The following CCDC180 variants were observed in gnomAD, a reference collection of about 807,000 sequenced individuals.
The protein encoded by CCDC180 is coiled-coil domain containing 180, also known as coiled-coil domain-containing protein 180.
A neutral mutation model predicts 209.2 loss-of-function variants in CCDC180; 154 were observed. The ratio of observed to expected loss-of-function variants is 0.74; its 90% CI spans 0.65 to 0.84. The LOEUF (loss-of-function observed/expected upper bound fraction) is 0.84. CCDC180 is among the 40% of genes least tolerant of loss of function. CCDC180 has a pLI of 0.00. For synonymous variants in CCDC180, 778 were observed against 749.1 expected (o/e 1.04, Z -0.63); for missense variants, 1,874 against 1,997.3 (o/e 0.94, Z 1.18).
chr9:97,308,083 T>C lies in CCDC180; in HGVS notation c.20T>C (p.Val7Ala), dbSNP rs764860477. 6 of 1,613,178 alleles carry C rather than the reference T, an allele frequency of 3.7e-6. No individual in the cohort carries two copies. Among genetic ancestry groups the C allele is most frequent in the Admixed American group, 1.7e-5 (1 of 59,776 alleles). MSSVGK[V>A]TQVPNGKAYQ... ...GCCAAGATGTCGTCAGTGGGGAAGG[T>C]GACCCAGGTTCCGAATGGGAAAGCC... Residue 7 changes from valine to alanine, a missense_variant, in exon 2 of 37, where the codon GTG (valine) becomes GCG (alanine). Transcript: ENST00000529487.
At chr9:97,376,439 G>C in intron 36 of CCDC180, 1 of 181,918 alleles carries the variant, frequency 5.5e-6, no homozygotes, top group Non-Finnish European at 1.2e-5. Context: ...CGGGAGCCCT[G>C]AGCTCCCGAG....
At position 97,362,308 on chromosome 9, in the gene CCDC180, G is replaced by A. The variant is rs1250568855; in HGVS notation, c.3769G>A (p.Ala1257Thr). Residue 1257 changes from alanine (A) to threonine (T), a missense_variant, in exon 28 of 37, where the codon GCT becomes ACT. Ala to Thr is a moderately conservative substitution (Grantham distance 58). Coordinates refer to ENST00000529487, the MANE Select transcript of CCDC180 (RefSeq NM_020893.6). ...CAGCAGTGAGGCAGGGGCTGGTGGT[G>A]CTGTGTGCTCACCTCCTGTCCTCTG... The part of the protein sequence containing the change: ...RGSSEAGAGG[A>T]VCSPPVLCSC... 1.2e-6 allele frequency: 2 copies of A among 1,614,186 alleles called. No homozygotes were observed. The highest frequency in any genetic ancestry group is 8.5e-7 in the Non-Finnish European group (1 of 1,180,032).
At position 97,329,277 on chromosome 9, in the gene CCDC180, A is replaced by T. The variant is rs186753416; in HGVS notation, c.1789-877A>T. ...TAGGCACCATTATGATCTCCATTTC[A>T]TGGAAGATAACACTAAGCCCCATAG... On this transcript the variant is annotated intron_variant, in intron 16 of 36. Coordinates refer to ENST00000529487, the MANE Select transcript of CCDC180 (RefSeq NM_020893.6). Among the ~76,000 whole-genome samples the T allele has an allele frequency of 1.6e-3, 240 of 152,346 alleles. 3 individuals carry two copies. The highest frequency in any genetic ancestry group is 3.4e-3 in the Middle Eastern group (1 of 294).
intron 12 of CCDC180, among the ~76,000 whole-genome samples, chr9:97,323,207 C>T (rs779646857): frequency 2.0e-5 from 3 of 152,188 alleles, no homozygotes; most frequent in Non-Finnish European, 4.4e-5. Context: ...AACCCATCAC[C>T]TCCTCCAGGA....
intron 28 of CCDC180, 60 bp from the exon 29 acceptor site, chr9:97,363,991 T>C (rs753295186): frequency 6.5e-7 from 1 of 1,530,592 alleles, no homozygotes; most frequent in South Asian, 1.1e-5. Flanking sequence ...TCCTGCAGGC[T>C]CAGACCTGCC....
At chr9:97,314,986 A>G in intron 8 of CCDC180, 40 bp downstream of exon 8, 1 of 1,532,432 alleles carries the variant, frequency 6.5e-7, no homozygotes, top group East Asian at 2.3e-5. Context: ...CCATGGGAGA[A>G]GGGGCAGGAC....
chr9:97,367,356 A>G (rs1826951656), intron 31 of CCDC180, among the ~76,000 whole-genome samples: 1 of 152,118 alleles, frequency 6.6e-6, no homozygotes, highest in African/African-American at 2.4e-5. Context: ...CTCTGGGTAG[A>G]AGGAGGAGAG....
At chr9:97,374,710 G>A in intron 35 of CCDC180, 62 bp downstream of exon 35, 3 of 1,353,362 alleles carry the variant, frequency 2.2e-6, no homozygotes, top group South Asian at 2.4e-5. Context: ...GTGGTGCAGT[G>A]TAATGGTTAG....
chr9:97,369,022 C>T (rs1827001575), intron 31 of CCDC180, among the ~76,000 whole-genome samples: 1 of 151,976 alleles, frequency 6.6e-6, no homozygotes, highest in Admixed American at 6.5e-5. Context: ...TGAAAATGAC[C>T]AAGCAGCTAT....
intron 19 of CCDC180, among the ~76,000 whole-genome samples, chr9:97,346,946 C>A (rs778662564): frequency 6.6e-6 from 1 of 152,142 alleles, no homozygotes; most frequent in Non-Finnish European, 1.5e-5. Flanking sequence ...CAAATTTAGA[C>A]GTCTGACAAT....
At chr9:97,376,400 G>C (rs1827259794) in intron 36 of CCDC180, 1 of 176,244 alleles carries the variant, frequency 5.7e-6, no homozygotes, top group African/African-American at 2.4e-5. Context: ...GAGGGTGGGA[G>C]GCCTGGAAGG....
intron 8 of CCDC180, among the ~76,000 whole-genome samples, chr9:97,315,647 G>A (rs1450304539): frequency 1.3e-5 from 2 of 152,338 alleles, no homozygotes; most frequent in East Asian, 1.9e-4. Flanking sequence ...GCAGTGAGCT[G>A]AGCTTGCTGG....
chr9:97,367,564 C>T (rs1459025763), intron 31 of CCDC180, among the ~76,000 whole-genome samples: 5 of 151,862 alleles, frequency 3.3e-5, no homozygotes, highest in Non-Finnish European at 5.9e-5. Context: ...ACCTCTGTCT[C>T]CTGGGTTCAA....
At chr9:97,358,294 T>A (rs35461112) in intron 25 of CCDC180, among the ~76,000 whole-genome samples, 1 of 152,004 alleles carries the variant, frequency 6.6e-6, no homozygotes, top group Non-Finnish European at 1.5e-5. Flanking sequence ...CTAATTTTTG[T>A]ATTTTTAGTA....
chr9:97,324,641 G>A (rs993100108), intron 13 of CCDC180, among the ~76,000 whole-genome samples: 2 of 152,178 alleles, frequency 1.3e-5, no homozygotes, highest in South Asian at 4.1e-4. Flanking sequence ...TGGCCCAGAT[G>A]CCATGAGTGA....
At chr9:97,322,976 G>A (rs939676984) in intron 12 of CCDC180, 55 bp downstream of exon 12, 5 of 1,422,306 alleles carry the variant, frequency 3.5e-6, no homozygotes, top group African/African-American at 2.8e-5. Context: ...GACCTGAAGT[G>A]CCTTCCCTGG....
intron 29 of CCDC180, chr9:97,364,679 G>T (rs1826869423): frequency 6.4e-6 from 1 of 155,194 alleles, no homozygotes; most frequent in African/African-American, 2.4e-5. Context: ...GGCAGAGAAG[G>T]ATGGCTGTGA....
At position 97,367,601 on chromosome 9, in the gene CCDC180, G is replaced by A. The variant is rs144259477; in HGVS notation, c.4189+901G>A. Among the ~76,000 whole-genome samples the A allele has an allele frequency of 9.3e-3, 1,416 of 152,158 alleles. 41 individuals carry two copies. The East Asian group carries it at 0.095, about 10-fold the overall frequency. Reference sequence around the variant, plus strand: ...AGACTCTTCTGCCCCAGCCTCCTGAGTAGCTGGGACTACAGGCGCATGCCA... The same window carrying A: ...AGACTCTTCTGCCCCAGCCTCCTGAATAGCTGGGACTACAGGCGCATGCCA... On this transcript the variant is annotated intron_variant, in intron 31 of 36. Coordinates refer to ENST00000529487, the MANE Select transcript of CCDC180 (RefSeq NM_020893.6).
In CCDC180 at chr9:97,320,173, A is replaced by G. The variant is rs148607207; in HGVS notation, c.1127A>G (p.His376Arg). The change falls in exon 11 of 37, where the codon CAT becomes CGT. Residue 376 changes from histidine (H) to arginine (R), a missense_variant. Coordinates refer to ENST00000529487, the MANE Select transcript of CCDC180 (RefSeq NM_020893.6). The stretch of plus-strand genomic sequence containing the variant: ...AGCAAAACTCAGCTGACTGAGTGGC[A>G]TTCTTCCCTCAACTCCCTGAACAAG... ...SYSKTQLTEW[H>R]SSLNSLNKEL... The G allele has an allele frequency of 9.9e-6, 16 of 1,614,052 alleles. No individual in the cohort carries two copies. In the African/African-American group the frequency reaches 1.7e-4, roughly 18 times the overall value.
Sources: gnomAD v4.1 joint callset for allele counts (sites outside exome capture counted in the v4.1 genomes callset) on GRCh38, gnomAD v4.1.1 for gene constraint, MANE v1.5 for transcripts, NCBI Gene and HGNC (gene_info 2026-07-23, HGNC 2026-07-21) for gene names.